The following MFSD6 variants were observed in gnomAD, a reference collection of about 807,000 sequenced individuals.
MFSD6 encodes major facilitator superfamily domain containing 6, also known as major facilitator superfamily domain-containing protein 6.
In MFSD6, 26 loss-of-function variants were observed where a neutral mutation model predicts 56.3. The ratio of observed to expected loss-of-function variants is 0.46; its 90% CI spans 0.34 to 0.64. The LOEUF (loss-of-function observed/expected upper bound fraction) is 0.64. MFSD6 is among the 30% of genes least tolerant of loss of function. The pLI is 0.01. For missense variants in MFSD6, 750 were observed against 986.2 expected (o/e 0.76, Z 3.21); for synonymous variants, 331 against 366.9 (o/e 0.90, Z 1.12).
chr2:190,430,876 C>T (rs1005847672), intron 2 of MFSD6, among the ~76,000 whole-genome samples: 1 of 142,464 alleles, frequency 7.0e-6, no homozygotes. Flanking sequence ...GACGGGGCGG[C>T]TGCCGGGCGG....
intron 1 of MFSD6, chr2:190,411,051 T>C (rs1690539956): frequency 2.1e-6 from 2 of 931,228 alleles, no homozygotes; most frequent in Non-Finnish European, 2.6e-6. Context: ...CGAGACTCTA[T>C]CTCAAAAAAA....
In MFSD6 at chr2:190,454,302, A is replaced by G. The variant is rs1242257735; in HGVS notation, c.1533-15456A>G. The G allele has an allele frequency of 6.6e-6, 1 of 152,134 alleles. No homozygotes were observed. The highest frequency in any genetic ancestry group is 1.5e-5 in the Non-Finnish European group (1 of 68,062). 9.4% of individuals were successfully genotyped at this position (152,134 alleles called of 1,614,324 possible). On this transcript the variant is annotated intron_variant, in intron 3 of 7. Transcript: ENST00000392328. The surrounding 1 kb of genome is among the most constrained non-coding windows in gnomAD (Gnocchi z 4.6). ...GGTTTCCAATTGTGTTAGAGAGTGAAGGTATTAAAGATAGAGATAAGAAGC... is the reference window on the plus strand; with the variant it reads ...GGTTTCCAATTGTGTTAGAGAGTGAGGGTATTAAAGATAGAGATAAGAAGC...
chr2:190,432,371 C>A (rs1559108154), intron 2 of MFSD6, among the ~76,000 whole-genome samples: 1 of 152,184 alleles, frequency 6.6e-6, no homozygotes, highest in Non-Finnish European at 1.5e-5. Context: ...GCACCGTTTA[C>A]AACTCTGCTT....
intron 2 of MFSD6, among the ~76,000 whole-genome samples, chr2:190,430,459 C>T (rs1457424070): frequency 2.0e-5 from 3 of 151,068 alleles, no homozygotes; most frequent in South Asian, 2.1e-4. Context: ...CATCTTGCAC[C>T]GCCCTTAATC....
Position 190,465,186 on chromosome 2 carries a change from G to T in MFSD6, c.1533-4572G>T, listed in dbSNP as rs866008742. On this transcript the variant is annotated intron_variant, in intron 3 of 7. Coordinates refer to ENST00000392328, the MANE Select transcript of MFSD6 (RefSeq NM_017694.4). This position sits in a 1 kb window ranked among gnomAD's most constrained non-coding sequence, Gnocchi z 4.6. The stretch of plus-strand genomic sequence containing the variant: ...TTTGCTCAAATACAGGATAAAAAAC[G>T]AGTGGCAGGTGATTTGGGTTTTCCA... Among the ~76,000 whole-genome samples, 5 of 152,236 alleles carry T rather than the reference G, an allele frequency of 3.3e-5. No homozygotes were observed. In the South Asian group the frequency reaches 8.3e-4, roughly 25 times the overall value.
chr2:190,452,154 T>G, intron 3 of MFSD6, among the ~76,000 whole-genome samples: 1 of 152,032 alleles, frequency 6.6e-6, no homozygotes, highest in South Asian at 2.1e-4. Context: ...AAAAATAAGT[T>G]TAAAAATCTC....
At chr2:190,470,939 T>A (rs1440763389) in intron 4 of MFSD6, among the ~76,000 whole-genome samples, 1 of 152,066 alleles carries the variant, frequency 6.6e-6, no homozygotes, top group Non-Finnish European at 1.5e-5. Flanking sequence ...TTTTCTCAGA[T>A]TTGATGCAAT....
At chr2:190,409,690 G>T (rs1180727493) in intron 1 of MFSD6, among the ~76,000 whole-genome samples, 1 of 152,202 alleles carries the variant, frequency 6.6e-6, no homozygotes, top group Non-Finnish European at 1.5e-5. Context: ...ATGTGTACTT[G>T]GTAGGTCCTT....
chr2:190,498,210 T>C lies in MFSD6; in HGVS notation c.2172+491T>C, dbSNP rs1689817371. ...AATAAGTCTAAAAGTGTGATTTTTCTTGTCCCCAGAGGAGTGATCTTTCCT... is the reference window on the plus strand; with the variant it reads ...AATAAGTCTAAAAGTGTGATTTTTCCTGTCCCCAGAGGAGTGATCTTTCCT... On this transcript the variant is annotated intron_variant, in intron 7 of 7. Coordinates refer to ENST00000392328, the MANE Select transcript of MFSD6 (RefSeq NM_017694.4). This position sits in a 1 kb window ranked among gnomAD's most constrained non-coding sequence, Gnocchi z 5.9. 6.6e-6 allele frequency among the ~76,000 whole-genome samples: 1 copy of C among 152,210 alleles called. No homozygotes were observed. Among genetic ancestry groups the C allele is most frequent in the African/African-American group, 2.4e-5 (1 of 41,456 alleles).
intron 3 of MFSD6, among the ~76,000 whole-genome samples, chr2:190,449,639 GATT>G (rs1365800627): frequency 6.7e-6 from 1 of 149,158 alleles, no homozygotes; most frequent in Non-Finnish European, 1.5e-5. Context: ...TGATAGACTG[GATT>G]AAGAAAATGT....
chr2:190,415,297 A>ATC lies in MFSD6; in HGVS notation c.-163_-162dup. The ATC allele has an allele frequency of 6.6e-6, 1 of 152,184 alleles. No individual in the cohort carries two copies. Among genetic ancestry groups the ATC allele is most frequent in the East Asian group, 1.9e-4 (1 of 5,188 alleles). 9.4% of individuals were successfully genotyped at this position (152,184 alleles called of 1,614,324 possible). ...TTATTTTTATTTATTTACAGACAGG[A>ATC]TCTCTCTCAGTTACCCAGGCCGGAG... On this transcript the variant is annotated 5_prime_UTR_variant, in exon 2 of 8. Coordinates refer to ENST00000392328, the MANE Select transcript of MFSD6 (RefSeq NM_017694.4). This position sits in a 1 kb window ranked among gnomAD's most constrained non-coding sequence, Gnocchi z 4.5.
At position 190,438,983 on chromosome 2, in the gene MFSD6, T is replaced by G. The variant is rs1686274847; in HGVS notation, c.1532+1422T>G. Among the ~76,000 whole-genome samples, 1 of 152,128 alleles carries G rather than the reference T, an allele frequency of 6.6e-6. No individual in the cohort carries two copies. Among genetic ancestry groups the G allele is most frequent in the African/African-American group, 2.4e-5 (1 of 41,430 alleles). On this transcript the variant is annotated intron_variant, in intron 3 of 7. Coordinates refer to ENST00000392328, the MANE Select transcript of MFSD6 (RefSeq NM_017694.4). The surrounding 1 kb of genome is among the most constrained non-coding windows in gnomAD (Gnocchi z 5.2). ...GATCCCTTTGTTGTCACCACCAAAG[T>G]CAGGGACTGTGTGGATATTTCCTGG...
In MFSD6 at chr2:190,412,722, GAGGGGCTTGTGTC is replaced by G; in HGVS notation, c.-175-2567_-175-2555del. The G allele has an allele frequency of 1.6e-6, 1 of 639,200 alleles. No homozygotes were observed. Among genetic ancestry groups the G allele is most frequent in the Non-Finnish European group, 1.9e-6 (1 of 513,870 alleles). The allele number at this position is 639,200 out of a possible 1,614,324, so 39.6% of individuals were successfully genotyped here. ...TACTCTACTGGCATTTTGGGGGTGA[GAGGGGCTTGTGTC>G]AGCCTGATTTGTTTTCCTAAATTCT... is the stretch of plus-strand genomic sequence containing the variant. On this transcript the variant is annotated intron_variant, in intron 1 of 7. Coordinates refer to ENST00000392328, the MANE Select transcript of MFSD6 (RefSeq NM_017694.4). This position sits in a 1 kb window ranked among gnomAD's most constrained non-coding sequence, Gnocchi z 4.1.
chr2:190,441,216 T>C (rs916349903), intron 3 of MFSD6, among the ~76,000 whole-genome samples: 2 of 152,136 alleles, frequency 1.3e-5, no homozygotes, highest in African/African-American at 4.8e-5. Context: ...TGCTGATTTC[T>C]GTAGGCTATG....
At position 190,497,141 on chromosome 2, in the gene MFSD6, G is replaced by C. The variant is rs1349265637; in HGVS notation, c.1892-298G>C. 6.6e-6 allele frequency among the ~76,000 whole-genome samples: 1 copy of C among 152,026 alleles called. No individual in the cohort carries two copies. The highest frequency in any genetic ancestry group is 6.6e-5 in the Admixed American group (1 of 15,258). ...ATCATAATCCTGTAAATGGGCCTAAGGCAACACTCATTATAACCTATGCCC... is the reference window on the plus strand; with the variant it reads ...ATCATAATCCTGTAAATGGGCCTAACGCAACACTCATTATAACCTATGCCC... On this transcript the variant is annotated intron_variant, in intron 6 of 7. Transcript: ENST00000392328. This position sits in a 1 kb window ranked among gnomAD's most constrained non-coding sequence, Gnocchi z 5.2.
rs927412155 is a variant in MFSD6, at chr2:190,497,078, A to G, written c.1892-361A>G. On this transcript the variant is annotated intron_variant, in intron 6 of 7. Transcript: ENST00000392328. The surrounding 1 kb of genome is among the most constrained non-coding windows in gnomAD (Gnocchi z 5.2). ...GGGAATAAAACATTTTTTAAAAAAT[A>G]ACTATCACGTGGCTTTTCCTGTTTT... Among the ~76,000 whole-genome samples the G allele has an allele frequency of 6.6e-6, 1 of 152,212 alleles. No individual in the cohort carries two copies. Among genetic ancestry groups the G allele is most frequent in the African/African-American group, 2.4e-5 (1 of 41,448 alleles).
rs555843504 is a variant in MFSD6, at chr2:190,412,137, A to G, written c.-175-3155A>G. Reference sequence around the variant, plus strand: ...CAGTCCCATAGTTCTATCCAATTCTATGTAAAATTAACTAAAACCACTGCT... The same window carrying G: ...CAGTCCCATAGTTCTATCCAATTCTGTGTAAAATTAACTAAAACCACTGCT... On this transcript the variant is annotated intron_variant, in intron 1 of 7. Transcript: ENST00000392328. The surrounding 1 kb of genome is among the most constrained non-coding windows in gnomAD (Gnocchi z 4.1). 5.1e-5 allele frequency: 50 copies of G among 983,808 alleles called. No individual in the cohort carries two copies. In the African/African-American group the frequency reaches 8.7e-4, roughly 17 times the overall value. 60.9% of individuals were successfully genotyped at this position (983,808 alleles called of 1,614,324 possible).
rs1246812098 is a variant in MFSD6 at position 190,463,338 on chromosome 2, T to C, written c.1533-6420T>C. On this transcript the variant is annotated intron_variant, in intron 3 of 7. Transcript: ENST00000392328. This position sits in a 1 kb window ranked among gnomAD's most constrained non-coding sequence, Gnocchi z 4.4. ...CATCATCTTATTCAGGTCAATAGTGTGAATCAGTGATTATGTAGAAATAAG... is the reference window on the plus strand; with the variant it reads ...CATCATCTTATTCAGGTCAATAGTGCGAATCAGTGATTATGTAGAAATAAG... Among the ~76,000 whole-genome samples, 1 of 152,218 alleles carries C rather than the reference T, an allele frequency of 6.6e-6. No individual in the cohort carries two copies. The highest frequency in any genetic ancestry group is 1.5e-5 in the Non-Finnish European group (1 of 68,040).
chr2:190,429,307 A>G (rs1685885768), intron 2 of MFSD6, among the ~76,000 whole-genome samples: 1 of 151,024 alleles, frequency 6.6e-6, no homozygotes, highest in Non-Finnish European at 1.5e-5. Flanking sequence ...TCAATCTTTA[A>G]TGGTAGCTTA....
Sources: allele counts gnomAD v4.1 joint callset (sites outside exome capture counted in the v4.1 genomes callset), GRCh38; gene constraint gnomAD v4.1.1; non-coding constraint Gnocchi (gnomAD v3.1); transcripts MANE v1.5; gene names NCBI Gene and HGNC (gene_info 2026-07-23, HGNC 2026-07-21).